CLTRN: variants seen among roughly 807,000 people sequenced by gnomAD.
CLTRN encodes the protein collectrin, amino acid transport regulator.
In CLTRN, 12 loss-of-function variants were observed where a neutral mutation model predicts 14.5. That is an observed-to-expected ratio of 0.83 (90% CI 0.53 to 1.34). The LOEUF is 1.34. Among genes scored for constraint, CLTRN ranks in the 40% most tolerant of loss-of-function variants. The pLI is 0.00. For synonymous variants in CLTRN, 58 were observed against 56.5 expected (o/e 1.03, Z -0.12); for missense variants, 154 against 165.1 (o/e 0.93, Z 0.37).
intron 3 of CLTRN, among the ~76,000 whole-genome samples, chrX:15,650,178 C>T (rs1929182504): frequency 9.5e-6 from 1 of 104,750 alleles, no homozygotes; most frequent in Admixed American, 1.1e-4. Context: ...AGGGAACCCC[C>T]CCACCAAGTG....
In CLTRN at chrX:15,628,134, G is replaced by A; in HGVS notation, c.513-7C>T. The A allele has an allele frequency of 9.4e-7, 1 of 1,068,855 alleles. No individual in the cohort carries two copies. Among genetic ancestry groups the A allele is most frequent in the Non-Finnish European group, 1.2e-6 (1 of 817,391 alleles). The allele number at this position is 1,068,855 out of a possible 1,213,427, so 88.1% of individuals were successfully genotyped here. On this transcript the variant is annotated splice_polypyrimidine_tract_variant and splice_region_variant and intron_variant, in intron 5 of 5. Coordinates refer to ENST00000380342, the MANE Select transcript of CLTRN (RefSeq NM_020665.6). ...AGATGGTTCTTTGTTCTTTCTAAAA[G>A]CACATAAAAAAGAGTGATTGGCATC... is the stretch of plus-strand genomic sequence containing the variant.
intron 3 of CLTRN, among the ~76,000 whole-genome samples, chrX:15,650,327 G>C (rs1020715084): frequency 9.1e-6 from 1 of 110,292 alleles, no homozygotes; most frequent in African/African-American, 3.3e-5. Flanking sequence ...CACAGTAAAA[G>C]TATCTACACG....
In CLTRN at chrX:15,639,545, C is replaced by A; in HGVS notation, c.512+17G>T. On this transcript the variant is annotated intron_variant, in intron 5 of 5. Transcript: ENST00000380342. ...ATAAGAAAATGCTCTTTCAATCACT[C>A]CTTTTAAATATCTTACCTTCTACGT... 3.4e-6 allele frequency: 4 copies of A among 1,186,229 alleles called. No individual in the cohort carries two copies. Among genetic ancestry groups the A allele is most frequent in the Non-Finnish European group, 4.6e-6 (4 of 875,822 alleles).
intron 1 of CLTRN, 102 bp from the exon 2 acceptor site, chrX:15,664,497 C>T (rs987186294): frequency 3.0e-5 from 22 of 722,635 alleles, no homozygotes; most frequent in Middle Eastern, 4.1e-4. Flanking sequence ...ACTAATGGAA[C>T]AAAGAACTAC....
intron 1 of CLTRN, among the ~76,000 whole-genome samples, chrX:15,671,526 G>A (rs1164081595): frequency 9.0e-6 from 1 of 111,572 alleles, no homozygotes; most frequent in Admixed American, 9.5e-5. Context: ...AGAGGTCAGA[G>A]AGTCTGGATT....
intron 5 of CLTRN, among the ~76,000 whole-genome samples, chrX:15,632,777 G>A (rs1373860154): frequency 2.8e-5 from 3 of 105,940 alleles, no homozygotes; most frequent in Non-Finnish European, 5.8e-5. Flanking sequence ...CCAGCTACTC[G>A]GGAGGCCGAG....
chrX:15,637,484 G>A (rs1238214843), intron 5 of CLTRN, among the ~76,000 whole-genome samples: 1 of 111,754 alleles, frequency 8.9e-6, no homozygotes, highest in Non-Finnish European at 1.9e-5. Flanking sequence ...ATGCTCTCCC[G>A]GTTTACACAA....
intron 5 of CLTRN, among the ~76,000 whole-genome samples, chrX:15,632,358 A>G (rs2147195160): frequency 9.0e-6 from 1 of 111,287 alleles, no homozygotes; most frequent in East Asian, 2.8e-4. Flanking sequence ...CGGGCGGATC[A>G]CCTGAGGTCA....
At chrX:15,632,727 C>T (rs1158447295) in intron 5 of CLTRN, among the ~76,000 whole-genome samples, 1 of 98,910 alleles carries the variant, frequency 1.0e-5, no homozygotes. Flanking sequence ...ATTAAAAATA[C>T]AAAAAAATTA....
intron 5 of CLTRN, among the ~76,000 whole-genome samples, chrX:15,636,137 T>C (rs1442359217): frequency 1.8e-5 from 2 of 112,279 alleles, no homozygotes; most frequent in Non-Finnish European, 3.8e-5. Flanking sequence ...GAAAACAGTA[T>C]GGAAGTTCCT....
upstream of CLTRN, among the ~76,000 whole-genome samples, chrX:15,665,308 G>A (rs181913689): frequency 8.9e-6 from 1 of 112,176 alleles, no homozygotes; most frequent in East Asian, 2.8e-4. Context: ...GAGCTTCGGA[G>A]CTTCCTCTTA....
intron 3 of CLTRN, among the ~76,000 whole-genome samples, chrX:15,652,408 G>T (rs1377524190): frequency 4.7e-5 from 5 of 105,676 alleles, no homozygotes; most frequent in Non-Finnish European, 9.7e-5. Context: ...CTAATTTATT[G>T]TTCATCATAT....
chrX:15,668,086 G>C (rs906249605), upstream of CLTRN, among the ~76,000 whole-genome samples: 1 of 111,774 alleles, frequency 8.9e-6, no homozygotes. Context: ...ATTCTGTATA[G>C]ACAATATAGA....
chrX:15,650,856 CA>C (rs755494799), intron 3 of CLTRN, among the ~76,000 whole-genome samples: 22 of 111,808 alleles, frequency 2.0e-4, no homozygotes, highest in Middle Eastern at 4.6e-3. Context: ...GGAAGGGGGC[CA>C]GGGGAAAGCC....
At chrX:15,643,984 C>T (rs1929000185) in intron 4 of CLTRN, among the ~76,000 whole-genome samples, 1 of 111,946 alleles carries the variant, frequency 8.9e-6, no homozygotes, top group African/African-American at 3.3e-5. Context: ...ACATCAATCA[C>T]ATGTGGTATT....
At chrX:15,629,406 A>G (rs1928639824) in intron 5 of CLTRN, among the ~76,000 whole-genome samples, 1 of 110,929 alleles carries the variant, frequency 9.0e-6, no homozygotes, top group Non-Finnish European at 1.9e-5. Flanking sequence ...TGTACCCTAG[A>G]ACTTAAAGTA....
At chrX:15,641,803 C>T (rs1928951100) in intron 4 of CLTRN, among the ~76,000 whole-genome samples, 1 of 111,364 alleles carries the variant, frequency 9.0e-6, no homozygotes, top group African/African-American at 3.3e-5. Context: ...ATTTCAGGTG[C>T]TTAATAACCA....
At chrX:15,643,278 CT>C (rs1275222411) in intron 4 of CLTRN, among the ~76,000 whole-genome samples, 1 of 111,908 alleles carries the variant, frequency 8.9e-6, no homozygotes, top group African/African-American at 3.3e-5. Flanking sequence ...ACACCATCTC[CT>C]TTTTTTCACT....
At chrX:15,645,160 G>A in intron 3 of CLTRN, 131 bp from the exon 4 acceptor site, 1 of 378,681 alleles carries the variant, frequency 2.6e-6, no homozygotes. Context: ...CTACCATTAT[G>A]AAGAATGAGC....
Sources: allele counts gnomAD v4.1 joint callset (sites outside exome capture counted in the v4.1 genomes callset), GRCh38; gene constraint gnomAD v4.1.1; transcripts MANE v1.5; gene names NCBI Gene and HGNC (gene_info 2026-07-23, HGNC 2026-07-21).